The following FAM135A variants were observed in gnomAD, a reference collection of about 807,000 sequenced individuals.
FAM135A encodes protein FAM135A.
In FAM135A, 79 loss-of-function variants were observed where a neutral mutation model predicts 146.8. The ratio of observed to expected loss-of-function variants is 0.54; its 90% CI spans 0.45 to 0.65. FAM135A has a LOEUF of 0.65. Among genes scored for constraint, FAM135A ranks in the 30% least tolerant of loss-of-function variants. FAM135A has a pLI of 0.00. For synonymous variants in FAM135A, 562 were observed against 603.6 expected, an observed-to-expected ratio of 0.93 and a Z score of 1.01; for missense variants, 1,623 against 1,758.2, an observed-to-expected ratio of 0.92 and a Z score of 1.38.
At chr6:70,497,037 G>C (rs1229511420) in intron 11 of FAM135A, among the ~76,000 whole-genome samples, 1 of 152,046 alleles carries the variant, frequency 6.6e-6, no homozygotes, top group Non-Finnish European at 1.5e-5. Flanking sequence ...TTCTAATTCT[G>C]TGAAGAAAGT....
chr6:70,515,777 T>C (rs1361606082), intron 12 of FAM135A, among the ~76,000 whole-genome samples: 1 of 152,206 alleles, frequency 6.6e-6, no homozygotes, highest in African/African-American at 2.4e-5. Flanking sequence ...ATATTAATAT[T>C]GGTTCATCAG....
chr6:70,443,869 A>G (rs983519751), intron 4 of FAM135A, among the ~76,000 whole-genome samples: 2 of 152,110 alleles, frequency 1.3e-5, no homozygotes, highest in Non-Finnish European at 2.9e-5. Context: ...TGCTTTGCCT[A>G]ATTCACTATG....
At chr6:70,523,277 A>C (rs1043237180) in intron 13 of FAM135A, among the ~76,000 whole-genome samples, 6 of 152,182 alleles carry the variant, frequency 3.9e-5, no homozygotes, top group African/African-American at 1.4e-4. Context: ...TGTCAAAAGC[A>C]TACAGCTAAG....
In FAM135A at chr6:70,522,493, T is replaced by A; in HGVS notation, c.1030-20T>A. 1 of 1,610,716 alleles carries A rather than the reference T, an allele frequency of 6.2e-7. No homozygotes were observed. On this transcript the variant is annotated intron_variant, in intron 12 of 21. Transcript: ENST00000418814. ...TTTAAATACGTCATGTTATTAATAC[T>A]CTCCTTTGGAATTTTTTAGGTACGC... is the stretch of plus-strand genomic sequence containing the variant.
chr6:70,497,294 CTCTG>C (rs1358763805), intron 11 of FAM135A, among the ~76,000 whole-genome samples: 3 of 151,888 alleles, frequency 2.0e-5, no homozygotes, highest in Non-Finnish European at 4.4e-5. Context: ...TGATTTGGCT[CTCTG>C]TCTATTATTG....
At chr6:70,520,506 T>C (rs1037719648) in intron 12 of FAM135A, among the ~76,000 whole-genome samples, 1 of 152,188 alleles carries the variant, frequency 6.6e-6, no homozygotes, top group Non-Finnish European at 1.5e-5. Flanking sequence ...TACAGGAGTA[T>C]TTAACTCTGT....
chr6:70,546,177 G>A (rs919433874), intron 20 of FAM135A, among the ~76,000 whole-genome samples: 17 of 152,070 alleles, frequency 1.1e-4, no homozygotes, highest in African/African-American at 2.9e-4. Context: ...TAGGTTCACA[G>A]CAAACAAATA....
At position 70,485,420 on chromosome 6, in the gene FAM135A, G is replaced by A. The variant is rs574065560; in HGVS notation, c.823+3266G>A. 5.3e-5 allele frequency among the ~76,000 whole-genome samples: 8 copies of A among 152,116 alleles called. No homozygotes were observed. The East Asian group carries it at 1.5e-3, about 29-fold the overall frequency. On this transcript the variant is annotated intron_variant, in intron 10 of 21. Transcript: ENST00000418814. ...AAATACTATTAACTTAAAAATAAAAGTATTTGTTACATATTCTAAACTATC... is the reference window on the plus strand; with the variant it reads ...AAATACTATTAACTTAAAAATAAAAATATTTGTTACATATTCTAAACTATC...
At chr6:70,434,133 C>T (rs957913307) in intron 4 of FAM135A, among the ~76,000 whole-genome samples, 23 of 152,208 alleles carry the variant, frequency 1.5e-4, no homozygotes, top group African/African-American at 5.5e-4. Flanking sequence ...TATCTAATTA[C>T]AAGATAATAG....
intron 4 of FAM135A, among the ~76,000 whole-genome samples, chr6:70,449,553 T>G (rs1776587247): frequency 6.6e-6 from 1 of 152,208 alleles, no homozygotes; most frequent in Non-Finnish European, 1.5e-5. Flanking sequence ...GCCCTCTAGG[T>G]TCATTCATGT....
intron 5 of FAM135A, among the ~76,000 whole-genome samples, chr6:70,472,787 C>G (rs75131186): frequency 0.011 from 1,616 of 152,230 alleles, 36 homozygotes; most frequent in East Asian, 0.074. Flanking sequence ...CTTCAGTTTG[C>G]ATGGGTTTAC....
chr6:70,496,348 G>A (rs568714569), intron 11 of FAM135A, among the ~76,000 whole-genome samples: 2 of 152,028 alleles, frequency 1.3e-5, no homozygotes, highest in Admixed American at 1.3e-4. Context: ...ACTTTTCAAT[G>A]GGGTTGTTTT....
chr6:70,514,418 G>A (rs1791741094), intron 12 of FAM135A, among the ~76,000 whole-genome samples: 1 of 152,048 alleles, frequency 6.6e-6, no homozygotes, highest in African/African-American at 2.4e-5. Flanking sequence ...CAGTCATTGG[G>A]CAATTTATAA....
chr6:70,507,567 A>G (rs995942529), intron 12 of FAM135A, among the ~76,000 whole-genome samples: 26 of 152,314 alleles, frequency 1.7e-4, no homozygotes, highest in African/African-American at 5.5e-4. Flanking sequence ...ATGTAAATCT[A>G]TACTTGAAAA....
At chr6:70,553,386 C>G (rs1359310176) in intron 20 of FAM135A, among the ~76,000 whole-genome samples, 1 of 152,212 alleles carries the variant, frequency 6.6e-6, no homozygotes, top group Non-Finnish European at 1.5e-5. Flanking sequence ...GATCCCTAGT[C>G]CAATGTGTCC....
chr6:70,527,042 G>C (rs1794903075), intron 15 of FAM135A, among the ~76,000 whole-genome samples: 1 of 151,952 alleles, frequency 6.6e-6, no homozygotes, highest in Non-Finnish European at 1.5e-5. Flanking sequence ...TGGAATAACT[G>C]AGCTTAAAAC....
intron 3 of FAM135A, 27 bp from the exon 4 acceptor site, chr6:70,428,277 A>G (rs1770666613): frequency 8.6e-7 from 1 of 1,168,196 alleles, no homozygotes; most frequent in African/African-American, 1.6e-5. Context: ...TACGCTTCTC[A>G]TGATTTTTTC....
chr6:70,449,329 G>T (rs747422774), intron 4 of FAM135A, among the ~76,000 whole-genome samples: 18 of 151,974 alleles, frequency 1.2e-4, no homozygotes, highest in Non-Finnish European at 2.4e-4. Flanking sequence ...TCACCATGCA[G>T]TGCAATAGAT....
chr6:70,504,707 T>C (rs1484349711), intron 12 of FAM135A: 1 of 152,226 alleles, frequency 6.6e-6, no homozygotes, highest in East Asian at 1.9e-4. Context: ...CCAGGAGCAG[T>C]GGCTCACACT....
Sources: allele counts gnomAD v4.1 joint callset (sites outside exome capture counted in the v4.1 genomes callset), GRCh38; gene constraint gnomAD v4.1.1; transcripts MANE v1.5; gene names NCBI Gene and HGNC (gene_info 2026-07-23, HGNC 2026-07-21).